Variants in TSPAN5 observed in about 807,000 individuals in gnomAD.
TSPAN5 encodes the protein tetraspanin 5.
TSPAN5 carries 10 observed loss-of-function variants against 37.1 expected under a neutral mutation model. That is an observed-to-expected ratio of 0.27 (90% CI 0.17 to 0.46). The LOEUF is 0.46. Among genes scored for constraint, TSPAN5 ranks in the 20% least tolerant of loss-of-function variants. The pLI, the probability that TSPAN5 is intolerant of heterozygous loss-of-function variation, is 1.00. For missense variants in TSPAN5, 195 were observed against 326.6 expected, an observed-to-expected ratio of 0.60 and a Z score of 3.11; for synonymous variants, 110 against 118.9, an observed-to-expected ratio of 0.93 and a Z score of 0.48.
chr4:98,622,126 C>T (rs929727668), intron 1 of TSPAN5, among the ~76,000 whole-genome samples: 13 of 152,220 alleles, frequency 8.5e-5, no homozygotes, highest in Non-Finnish European at 1.5e-4. Flanking sequence ...GTTGCCCAGG[C>T]TGGAATGCAG....
chr4:98,621,990 A>G (rs957014847), intron 1 of TSPAN5, among the ~76,000 whole-genome samples: 1 of 152,184 alleles, frequency 6.6e-6, no homozygotes, highest in African/African-American at 2.4e-5. Context: ...GTATGGGTAT[A>G]CCACAATTTG....
chr4:98,558,371 A>T (rs542875371), intron 1 of TSPAN5, among the ~76,000 whole-genome samples: 22 of 152,170 alleles, frequency 1.4e-4, no homozygotes, highest in Non-Finnish European at 2.9e-4. Flanking sequence ...TCCAAGTCTC[A>T]CACTGTCCCC....
chr4:98,546,331 C>T lies in TSPAN5; in HGVS notation c.82-38603G>A, dbSNP rs905109350. 6.0e-4 allele frequency among the ~76,000 whole-genome samples: 92 copies of T among 152,274 alleles called. 1 individual carries two copies. Among genetic ancestry groups the T allele is most frequent in the African/African-American group, 2.0e-3 (84 of 41,554 alleles). ...CACATAAAGAGGTTCAGCCACTACA[C>T]GGTGCCCTGAGCCATCCCTCAACAC... On this transcript the variant is annotated intron_variant, in intron 1 of 7. Transcript: ENST00000305798.
chr4:98,548,030 AAAAG>A (rs1318358881), intron 1 of TSPAN5, among the ~76,000 whole-genome samples: 1 of 144,582 alleles, frequency 6.9e-6, no homozygotes, highest in Non-Finnish European at 1.5e-5. Context: ...AAAAAAAAGA[AAAAG>A]AAAAAGAAAA....
intron 1 of TSPAN5, among the ~76,000 whole-genome samples, chr4:98,649,876 A>G (rs1757147372): frequency 6.6e-6 from 1 of 152,094 alleles, no homozygotes; most frequent in Non-Finnish European, 1.5e-5. Context: ...TCCAAATGGG[A>G]CCCTAGGCAG....
chr4:98,647,796 G>A (rs1245203170), intron 1 of TSPAN5, among the ~76,000 whole-genome samples: 1 of 151,532 alleles, frequency 6.6e-6, no homozygotes, highest in Non-Finnish European at 1.5e-5. Context: ...ATATCACAGT[G>A]CTAACCATTG....
At chr4:98,656,391 C>T (rs572211508) in intron 1 of TSPAN5, among the ~76,000 whole-genome samples, 24 of 152,296 alleles carry the variant, frequency 1.6e-4, no homozygotes, top group African/African-American at 5.3e-4. Context: ...AAACAAGAGG[C>T]CTGAACTCAC....
chr4:98,479,035 T>A (rs1175814860), intron 4 of TSPAN5, among the ~76,000 whole-genome samples: 4 of 152,142 alleles, frequency 2.6e-5, no homozygotes, highest in African/African-American at 9.7e-5. Flanking sequence ...AAACAACTGA[T>A]GAGACCTGTG....
At chr4:98,560,912 T>A (rs1397126759) in intron 1 of TSPAN5, among the ~76,000 whole-genome samples, 1 of 152,220 alleles carries the variant, frequency 6.6e-6, no homozygotes, top group Non-Finnish European at 1.5e-5. Context: ...ATAAAAGTGT[T>A]CTAAGCAGAA....
At chr4:98,563,131 A>G (rs1280729382) in intron 1 of TSPAN5, among the ~76,000 whole-genome samples, 14 of 152,252 alleles carry the variant, frequency 9.2e-5, no homozygotes, top group Non-Finnish European at 4.4e-5. Flanking sequence ...TTTTTGGTAG[A>G]TGAATATAAT....
rs1181621749 is a variant in TSPAN5, at chr4:98,472,438, T to C, written c.*84A>G. On this transcript the variant is annotated 3_prime_UTR_variant, in exon 8 of 8. Coordinates refer to ENST00000305798, the MANE Select transcript of TSPAN5 (RefSeq NM_005723.4). Reference sequence around the variant, plus strand: ...CAGGCTGCATCTGTGATTAGGTCCATGCAGCTCGAAGATCAGTTCGGCACG... The same window carrying C: ...CAGGCTGCATCTGTGATTAGGTCCACGCAGCTCGAAGATCAGTTCGGCACG... 1.6e-6 allele frequency: 2 copies of C among 1,241,188 alleles called. No homozygotes were observed. The highest frequency in any genetic ancestry group is 3.0e-5 in the African/African-American group (2 of 66,178). 76.9% of individuals were successfully genotyped at this position (1,241,188 alleles called of 1,614,324 possible). A position where few individuals can be genotyped will look rare whatever the true frequency, so the allele number is the denominator to read the frequency against.
At chr4:98,533,797 GC>G (rs1314856237) in intron 1 of TSPAN5, among the ~76,000 whole-genome samples, 1 of 149,288 alleles carries the variant, frequency 6.7e-6, no homozygotes, top group East Asian at 2.0e-4. Flanking sequence ...TGATCCGCCC[GC>G]CTCGGCCTCC....
chr4:98,488,214 C>G (rs1312097844), intron 2 of TSPAN5, among the ~76,000 whole-genome samples: 1 of 152,172 alleles, frequency 6.6e-6, no homozygotes, highest in Non-Finnish European at 1.5e-5. Context: ...CAGTACCAAG[C>G]AGGGGCCACA....
chr4:98,539,275 C>T (rs1022430820), intron 1 of TSPAN5, among the ~76,000 whole-genome samples: 2 of 152,084 alleles, frequency 1.3e-5, no homozygotes, highest in African/African-American at 4.8e-5. Flanking sequence ...TTCTTATTTG[C>T]ATCTAAAAGC....
intron 1 of TSPAN5, among the ~76,000 whole-genome samples, chr4:98,536,496 C>T (rs1369297493): frequency 6.6e-6 from 1 of 152,214 alleles, no homozygotes; most frequent in Non-Finnish European, 1.5e-5. Flanking sequence ...CTTGAGGAGG[C>T]AGGCTGACCC....
intron 1 of TSPAN5, among the ~76,000 whole-genome samples, chr4:98,656,570 T>A (rs1041009001): frequency 3.9e-5 from 6 of 152,230 alleles, no homozygotes; most frequent in African/African-American, 1.4e-4. Context: ...TCCTTCTTCC[T>A]GTACTTGTAG....
chr4:98,629,849 G>T (rs1756701689), intron 1 of TSPAN5, among the ~76,000 whole-genome samples: 1 of 152,162 alleles, frequency 6.6e-6, no homozygotes, highest in African/African-American at 2.4e-5. Context: ...AATGAATGAA[G>T]ATCAAATGGG....
chr4:98,549,819 T>A (rs1754566765), intron 1 of TSPAN5, among the ~76,000 whole-genome samples: 1 of 152,166 alleles, frequency 6.6e-6, no homozygotes, highest in Non-Finnish European at 1.5e-5. Context: ...TGGGAATTTT[T>A]TTTTCCTCAT....
intron 1 of TSPAN5, among the ~76,000 whole-genome samples, chr4:98,598,815 T>G (rs768020261): frequency 6.6e-6 from 1 of 151,974 alleles, no homozygotes; most frequent in Non-Finnish European, 1.5e-5. Flanking sequence ...TGAGAGAGAG[T>G]CTCATTTTCT....
Sources: gnomAD v4.1 joint callset for allele counts (sites outside exome capture counted in the v4.1 genomes callset) on GRCh38, gnomAD v4.1.1 for gene constraint, MANE v1.5 for transcripts, NCBI Gene and HGNC (gene_info 2026-07-23, HGNC 2026-07-21) for gene names.